Variants in DOCK2 observed in about 807,000 individuals in gnomAD.
DOCK2 encodes the protein dedicator of cytokinesis 2, also known as dedicator of cytokinesis protein 2.
In DOCK2, 87 loss-of-function variants were observed where a neutral mutation model predicts 248.9. The observed-to-expected ratio is 0.35, with a 90% CI of 0.29 to 0.42. The LOEUF is 0.42. Among genes scored for constraint, DOCK2 ranks in the 10% least tolerant of loss-of-function variants. DOCK2 has a pLI of 1.00. For missense variants in DOCK2, 1,747 were observed against 2,300.2 expected (o/e 0.76, Z 4.92); for synonymous variants, 805 against 821.6 (o/e 0.98, Z 0.35).
At chr5:169,826,485 C>T (rs911181095) in intron 26 of DOCK2, among the ~76,000 whole-genome samples, 16 of 151,934 alleles carry the variant, frequency 1.1e-4, no homozygotes, top group Non-Finnish European at 1.8e-4. Context: ...TCTCCAGACC[C>T]CAAGGACTGA....
intron 34 of DOCK2, among the ~76,000 whole-genome samples, chr5:170,031,595 A>G (rs1432661436): frequency 6.6e-6 from 1 of 152,194 alleles, no homozygotes; most frequent in Non-Finnish European, 1.5e-5. Flanking sequence ...AGTACTCAAT[A>G]AGTGGTAGTA....
At chr5:169,814,855 A>G (rs1017150358) in intron 26 of DOCK2, among the ~76,000 whole-genome samples, 6 of 152,200 alleles carry the variant, frequency 3.9e-5, no homozygotes, top group Admixed American at 3.9e-4. Flanking sequence ...TTTCTGATTT[A>G]TGAGTTAAGA....
intron 14 of DOCK2, among the ~76,000 whole-genome samples, chr5:169,704,992 T>G (rs1487021170): frequency 4.6e-5 from 7 of 152,102 alleles, no homozygotes; most frequent in Non-Finnish European, 1.0e-4. Flanking sequence ...TGAAACCTTG[T>G]CTTTACTGAA....
At chr5:170,054,466 G>T (rs140211839) in intron 41 of DOCK2, among the ~76,000 whole-genome samples, 150 of 152,326 alleles carry the variant, frequency 9.8e-4, no homozygotes, top group African/African-American at 2.8e-3. Context: ...GGCATGACAA[G>T]GGTCTGACCC....
intron 8 of DOCK2, among the ~76,000 whole-genome samples, chr5:169,687,559 A>T (rs1420411440): frequency 1.3e-5 from 2 of 152,224 alleles, no homozygotes; most frequent in Non-Finnish European, 2.9e-5. Context: ...TTGAATTTTT[A>T]AAAAATCTTG....
chr5:169,846,129 A>G (rs1185086055), intron 27 of DOCK2, among the ~76,000 whole-genome samples: 2 of 152,152 alleles, frequency 1.3e-5, no homozygotes, highest in Non-Finnish European at 2.9e-5. Context: ...GGGAATATTA[A>G]TCAATATTTG....
At chr5:170,051,094 G>A (rs1010174589) in intron 41 of DOCK2, among the ~76,000 whole-genome samples, 1 of 152,244 alleles carries the variant, frequency 6.6e-6, no homozygotes, top group East Asian at 1.9e-4. Context: ...TGAGGAAGGT[G>A]ATGTTTGAGA....
chr5:169,853,279 G>A (rs261078), intron 27 of DOCK2, among the ~76,000 whole-genome samples: 1 of 152,004 alleles, frequency 6.6e-6, no homozygotes, highest in African/African-American at 2.4e-5. Flanking sequence ...CTTAGCAGCA[G>A]GAAAATGGAC....
intron 19 of DOCK2, among the ~76,000 whole-genome samples, 162 bp from the exon 20 acceptor site, chr5:169,716,051 C>T (rs1202661299): frequency 6.6e-6 from 1 of 152,206 alleles, no homozygotes; most frequent in Non-Finnish European, 1.5e-5. Flanking sequence ...TGGGTTCCTC[C>T]AACTTCTGGC....
At chr5:169,677,868 G>A (rs1208852274) in intron 6 of DOCK2, among the ~76,000 whole-genome samples, 1 of 152,180 alleles carries the variant, frequency 6.6e-6, no homozygotes, top group East Asian at 1.9e-4. Flanking sequence ...TGAGGGCAGG[G>A]GTTTCAAAAA....
At chr5:169,997,703 G>A (rs1212679675) in intron 30 of DOCK2, among the ~76,000 whole-genome samples, 1 of 150,486 alleles carries the variant, frequency 6.6e-6, no homozygotes, top group Non-Finnish European at 1.5e-5. Context: ...AGAGAGCACG[G>A]GGTTGGGGGT....
At chr5:169,696,183 G>A (rs374188232) in intron 10 of DOCK2, among the ~76,000 whole-genome samples, 57 of 152,284 alleles carry the variant, frequency 3.7e-4, no homozygotes, top group African/African-American at 1.3e-3. Context: ...TCGGGAGACC[G>A]GGGCCGTCTG....
At chr5:169,756,559 G>A (rs1329940272) in intron 23 of DOCK2, among the ~76,000 whole-genome samples, 1 of 152,166 alleles carries the variant, frequency 6.6e-6, no homozygotes, top group Non-Finnish European at 1.5e-5. Flanking sequence ...TGCGGTGCTG[G>A]GTGGAGAGCT....
chr5:169,988,704 G>T (rs560625045), intron 29 of DOCK2, among the ~76,000 whole-genome samples: 5 of 152,168 alleles, frequency 3.3e-5, no homozygotes, highest in African/African-American at 1.2e-4. Context: ...TAGAGAAGGA[G>T]TTTCTCCCTG....
At chr5:169,785,904 T>C in intron 25 of DOCK2, among the ~76,000 whole-genome samples, 1 of 152,160 alleles carries the variant, frequency 6.6e-6, no homozygotes, top group East Asian at 1.9e-4. Context: ...GGAGTCAACT[T>C]CTGGTGACTT....
At chr5:169,699,233 C>A in intron 11 of DOCK2, 149 bp from the exon 12 acceptor site, 1 of 536,052 alleles carries the variant, frequency 1.9e-6, no homozygotes, top group Non-Finnish European at 3.1e-6. Flanking sequence ...AAGTGAGGTA[C>A]CTCTTGATGG....
chr5:169,956,522 AGCT>A (rs1776873764), intron 27 of DOCK2, among the ~76,000 whole-genome samples: 1 of 152,216 alleles, frequency 6.6e-6, no homozygotes, highest in Non-Finnish European at 1.5e-5. Context: ...TGAAGACATG[AGCT>A]TGTAAGTGAA....
chr5:169,886,671 T>C (rs778094476), intron 27 of DOCK2, among the ~76,000 whole-genome samples: 2 of 152,232 alleles, frequency 1.3e-5, no homozygotes, highest in African/African-American at 4.8e-5. Flanking sequence ...GAGTAAGCAG[T>C]TGAAATTTGT....
At position 169,789,377 on chromosome 5, in the gene DOCK2, G is replaced by C. The variant is rs369275675; in HGVS notation, c.2555-13681G>C. 2.0e-5 allele frequency among the ~76,000 whole-genome samples: 3 copies of C among 152,326 alleles called. No homozygotes were observed. The East Asian group carries it at 5.8e-4, about 29-fold the overall frequency. ...TTTATTTGGGTCAATACCCAGTAAT[G>C]GGATTGCTGGATCAAATGGTAGTTC... On this transcript the variant is annotated intron_variant, in intron 25 of 51. Coordinates refer to ENST00000520908, the MANE Select transcript of DOCK2 (RefSeq NM_004946.3).
Sources: gnomAD v4.1 joint callset for allele counts (sites outside exome capture counted in the v4.1 genomes callset) on GRCh38, gnomAD v4.1.1 for gene constraint, MANE v1.5 for transcripts, NCBI Gene and HGNC (gene_info 2026-07-23, HGNC 2026-07-21) for gene names.